Variants in NRDE2 observed in about 807,000 individuals in gnomAD.
NRDE2 encodes nuclear exosome regulator NRDE2.
Under a neutral mutation model 124.2 loss-of-function variants are expected in NRDE2, and 76 were observed. The observed-to-expected ratio is 0.61, with a 90% confidence interval of 0.51 to 0.74. The LOEUF (loss-of-function observed/expected upper bound fraction) is 0.74, where lower values mean the gene tolerates loss of function less well. Ranked by LOEUF, NRDE2 falls within the 30% of genes least tolerant of loss-of-function variation. The probability of loss-of-function intolerance (pLI) is 0.00; values close to 1 mark genes in which losing one functional copy is unlikely to be tolerated. For missense variants in NRDE2, 1,314 were observed against 1,417.3 expected (o/e 0.93, Z 1.17); for synonymous variants, 489 against 528.1 (o/e 0.93, Z 1.01).
At chr14:90,298,163 T>C in intron 8 of NRDE2, 97 bp downstream of exon 8, 1 of 1,271,810 alleles carries the variant, frequency 7.9e-7, no homozygotes, top group Non-Finnish European at 1.1e-6. Context: ...ATTCTGAAGC[T>C]ACTGATAAAT....
intron 12 of NRDE2, among the ~76,000 whole-genome samples, chr14:90,282,164 A>G (rs1891970260): frequency 6.6e-6 from 1 of 152,240 alleles, no homozygotes; most frequent in Non-Finnish European, 1.5e-5. Flanking sequence ...AAAAAACTGC[A>G]ATTTTAGCTA....
intron 4 of NRDE2, among the ~76,000 whole-genome samples, chr14:90,307,677 C>G (rs957262651): frequency 1.3e-5 from 2 of 152,192 alleles, no homozygotes; most frequent in African/African-American, 4.8e-5. Context: ...AGATTGAGAC[C>G]ATACTGGCTA....
chr14:90,286,595 C>A (rs1892110661), intron 11 of NRDE2, 103 bp from the exon 12 acceptor site: 15 of 1,404,014 alleles, frequency 1.1e-5, no homozygotes, highest in Non-Finnish European at 1.3e-5. Context: ...ACAACCAGAT[C>A]AGACAGACTC....
chr14:90,306,972 A>G (rs1884625461), intron 4 of NRDE2, among the ~76,000 whole-genome samples: 1 of 152,250 alleles, frequency 6.6e-6, no homozygotes, highest in Admixed American at 6.5e-5. Flanking sequence ...AGATATTCAT[A>G]AAATCTCTTG....
chr14:90,288,077 C>T (rs111746887), intron 11 of NRDE2, 140 bp downstream of exon 11: 13 of 745,574 alleles, frequency 1.7e-5, no homozygotes, highest in African/African-American at 7.0e-5. Flanking sequence ...TATCCTATGA[C>T]ACCTACAGCC....
At chr14:90,318,170 A>G in intron 1 of NRDE2, 57 bp from the exon 2 acceptor site, 1 of 1,365,776 alleles carries the variant, frequency 7.3e-7, no homozygotes, top group South Asian at 1.2e-5. Flanking sequence ...ATTCTAAAGC[A>G]GGAGATCTAT....
chr14:90,308,650 C>G (rs375417820), intron 4 of NRDE2, among the ~76,000 whole-genome samples: 2 of 152,284 alleles, frequency 1.3e-5, no homozygotes, highest in South Asian at 4.1e-4. Context: ...ATGTTCTCGG[C>G]GTGTCAGTGT....
At position 90,302,734 on chromosome 14, in the gene NRDE2, T is replaced by TGA; in HGVS notation, c.1396_1397insTC (p.Glu466ValfsTer43). The TGA allele has an allele frequency of 6.2e-7, 1 of 1,608,932 alleles. No individual in the cohort carries two copies. The highest frequency in any genetic ancestry group is 8.5e-7 in the Non-Finnish European group (1 of 1,177,016). On this transcript the variant is annotated frameshift_variant, in exon 6 of 14. Coordinates refer to ENST00000354366, the MANE Select transcript of NRDE2 (RefSeq NM_017970.4). LOFTEE classifies it high-confidence loss of function. ...TATCTCCTTACCAAACATGGCCTCT[T>TGA]CCGTGCCAGGCAACGCAGGGTGAGA...
Position 90,268,344 on chromosome 14 carries a change from T to C in NRDE2, c.*9992A>G. 1 of 1,613,900 alleles carries C rather than the reference T, an allele frequency of 6.2e-7. No individual in the cohort carries two copies. Among genetic ancestry groups the C allele is most frequent in the South Asian group, 1.1e-5 (1 of 91,066 alleles). On this transcript the variant is annotated 3_prime_UTR_variant, in exon 14 of 14. Coordinates refer to ENST00000354366, the MANE Select transcript of NRDE2 (RefSeq NM_017970.4). ...GGGCCCAAACTCGTACGGGAATTGTTCCGAGTTGCTGAAGAACATGCACCG... is the reference window on the plus strand; with the variant it reads ...GGGCCCAAACTCGTACGGGAATTGTCCCGAGTTGCTGAAGAACATGCACCG...
rs373947973 is a variant in NRDE2 at position 90,286,511 on chromosome 14, C to G, written c.3159-19G>C. ...GTCTAACCTGCAAGGCAAAGGCTCA[C>G]GTGACTCTGACACAAGCTCTCTCAT... is the stretch of plus-strand genomic sequence containing the variant. On this transcript the variant is annotated intron_variant, in intron 11 of 13. Coordinates refer to ENST00000354366, the MANE Select transcript of NRDE2 (RefSeq NM_017970.4). The G allele has an allele frequency of 8.7e-6, 14 of 1,608,122 alleles. No homozygotes were observed. Among genetic ancestry groups the G allele is most frequent in the Middle Eastern group, 1.7e-4 (1 of 5,998 alleles).
chr14:90,285,406 A>G (rs562926123), intron 12 of NRDE2, among the ~76,000 whole-genome samples: 1 of 142,574 alleles, frequency 7.0e-6, no homozygotes, highest in South Asian at 2.3e-4. Context: ...CGTTCCAGCG[A>G]TTCTCCTGCC....
chr14:90,288,419 C>A lies in NRDE2; in HGVS notation c.2956G>T (p.Ala986Ser), dbSNP rs868810495. ...SVYPLAPLREALSQALKLYPG... is the reference protein window; with the variant it reads ...SVYPLAPLRESLSQALKLYPG... Reference sequence around the variant, plus strand: ...TACAACTTTAAAGCCTGTGAGAGTGCCTCTCGCAGAGGGGCCAGCGGGTAA... The same window carrying A: ...TACAACTTTAAAGCCTGTGAGAGTGACTCTCGCAGAGGGGCCAGCGGGTAA... Residue 986 changes from alanine (A) to serine (S), a missense_variant, in exon 11 of 14, where the codon GCA (alanine) becomes TCA (serine). Ala to Ser is a moderately conservative substitution (Grantham distance 99, BLOSUM62 1). Transcript: ENST00000354366. 2.5e-6 allele frequency: 4 copies of A among 1,613,976 alleles called. No individual in the cohort carries two copies. The African/African-American group carries it at 5.3e-5, about 22-fold the overall frequency.
chr14:90,331,674 C>A (rs1232999043), intron 1 of NRDE2, among the ~76,000 whole-genome samples, 167 bp downstream of exon 1: 1 of 152,202 alleles, frequency 6.6e-6, no homozygotes, highest in Non-Finnish European at 1.5e-5. Flanking sequence ...GGCCTCTGGG[C>A]CCCAGACCTC....
At chr14:90,316,881 G>T in intron 2 of NRDE2, 70 bp from the exon 3 acceptor site, 1 of 1,008,604 alleles carries the variant, frequency 9.9e-7, no homozygotes, top group Non-Finnish European at 1.5e-6. Flanking sequence ...ATGTAAATAA[G>T]TCAACAAATA....
chr14:90,315,957 C>CA (rs59604203), intron 3 of NRDE2, among the ~76,000 whole-genome samples: 21,099 of 74,382 alleles, frequency 0.28, 2,628 homozygotes, highest in Middle Eastern at 0.31. Context: ...AACCCCGTCT[C>CA]AAAAAAAAAA....
chr14:90,282,270 A>AG (rs1482035823), intron 12 of NRDE2, among the ~76,000 whole-genome samples: 1 of 151,912 alleles, frequency 6.6e-6, no homozygotes, highest in Non-Finnish European at 1.5e-5. Flanking sequence ...TGAGCCCAGG[A>AG]GTTCGAGGCT....
intron 1 of NRDE2, among the ~76,000 whole-genome samples, chr14:90,331,594 A>G (rs1244527779): frequency 6.6e-6 from 1 of 152,224 alleles, no homozygotes; most frequent in Non-Finnish European, 1.5e-5. Flanking sequence ...ATCGTACAGA[A>G]GTCCCAGCTC....
intron 12 of NRDE2, among the ~76,000 whole-genome samples, chr14:90,283,944 C>T (rs1892026766): frequency 1.3e-5 from 2 of 152,122 alleles, no homozygotes; most frequent in South Asian, 2.1e-4. Context: ...ATCTCCTGAC[C>T]TCGTGATCCG....
At chr14:90,318,791 T>G (rs1885142310) in intron 1 of NRDE2, among the ~76,000 whole-genome samples, 1 of 152,092 alleles carries the variant, frequency 6.6e-6, no homozygotes, top group Non-Finnish European at 1.5e-5. Flanking sequence ...AGAGTTAGAC[T>G]CCATCTCAAA....
Sources: allele counts gnomAD v4.1 joint callset (sites outside exome capture counted in the v4.1 genomes callset), GRCh38; gene constraint gnomAD v4.1.1; transcripts MANE v1.5; gene names NCBI Gene and HGNC (gene_info 2026-07-23, HGNC 2026-07-21).